Variants in SERPING1 observed in about 807,000 individuals in gnomAD.
SERPING1 encodes serpin family G member 1, also known as plasma protease C1 inhibitor.
In SERPING1, 5 loss-of-function variants were observed where a neutral mutation model predicts 34.1. The ratio of observed to expected loss-of-function variants is 0.15; its 90% confidence interval spans 0.08 to 0.31. The LOEUF (loss-of-function observed/expected upper bound fraction) is 0.31, where lower values mean the gene tolerates loss of function less well. Ranked by LOEUF, SERPING1 falls within the 10% of genes least tolerant of loss-of-function variation. SERPING1 has a pLI of 1.00. For synonymous variants in SERPING1, 225 were observed against 242.4 expected (o/e 0.93, Z 0.67); for missense variants, 505 against 609.5 (o/e 0.83, Z 1.81).
intron 2 of SERPING1, among the ~76,000 whole-genome samples, chr11:57,598,932 C>CGTGT (rs3054018): frequency 1.8e-4 from 27 of 150,830 alleles, no homozygotes; most frequent in East Asian, 5.9e-4. Flanking sequence ...TGTGTATGTG[C>CGTGT]GTGTGTGTGT....
At chr11:57,613,975 T>C (rs1274441167) in intron 7 of SERPING1, among the ~76,000 whole-genome samples, 2 of 152,170 alleles carry the variant, frequency 1.3e-5, no homozygotes, top group Non-Finnish European at 2.9e-5. Flanking sequence ...TTCCCATTAT[T>C]TCACAGCATC....
chr11:57,611,813 C>A lies in SERPING1; in HGVS notation c.1126C>A (p.Pro376Thr). ...TGAAGACATGGAACAGGCTCTCAGC[C>A]CTTCTGTTTTCAAGGCCATCATGGA... ...RLEDMEQALS[P>T]SVFKAIMEKL... The change falls in exon 7 of 8, where the codon CCT (proline) becomes ACT (threonine). Residue 376 changes from proline (P) to threonine (T), a missense_variant. By Grantham distance (38) the Pro-to-Thr change is conservative (BLOSUM62 -1). Transcript: ENST00000278407. The A allele has an allele frequency of 6.2e-7, 1 of 1,614,152 alleles. No individual in the cohort carries two copies. The highest frequency in any genetic ancestry group is 1.1e-5 in the South Asian group (1 of 91,072).
In SERPING1 at chr11:57,606,264, C is replaced by T. The variant is rs190428339; in HGVS notation, c.889+51C>T. The stretch of plus-strand genomic sequence containing the variant: ...CTTCCCATTCTGGGTCCTTCTTCCC[C>T]TCCTGGCTTCAAAGCCCACTTAACC... On this transcript the variant is annotated intron_variant, in intron 5 of 7. Transcript: ENST00000278407. 10 of 1,608,844 alleles carry T rather than the reference C, an allele frequency of 6.2e-6. No homozygotes were observed. The East Asian group carries it at 2.2e-4, about 36-fold the overall frequency.
chr11:57,598,366 G>A (rs1200584754), intron 2 of SERPING1, 45 bp downstream of exon 2: 1 of 1,533,938 alleles, frequency 6.5e-7, no homozygotes. Flanking sequence ...GGAGACGGGA[G>A]GCGGGATGGT....
In SERPING1 at chr11:57,611,923, C is replaced by T. The variant is rs577904315; in HGVS notation, c.1236C>T (p.Ile412=). The T allele has an allele frequency of 5.0e-6, 8 of 1,613,990 alleles. No individual in the cohort carries two copies. In the South Asian group the frequency reaches 7.7e-5, roughly 16 times the overall value. ...KVTTSQDMLS[I]MEKLEFFDFS... ...CGACCAGCCAGGATATGCTCTCAAT[C>T]ATGGAGAAATTGGGTGAGCTCTGGC... Residue 412 remains isoleucine (I), a synonymous_variant, in exon 7 of 8, where the codon ATC becomes ATT. Coordinates refer to ENST00000278407, the MANE Select transcript of SERPING1 (RefSeq NM_000062.3).
At chr11:57,609,803 T>A (rs905621441) in intron 6 of SERPING1, among the ~76,000 whole-genome samples, 1 of 152,316 alleles carries the variant, frequency 6.6e-6, no homozygotes, top group Non-Finnish European at 1.5e-5. Context: ...TCTTACTCTA[T>A]CACCCAGTCT....
chr11:57,603,712 G>A (rs910352379), intron 4 of SERPING1, among the ~76,000 whole-genome samples: 2 of 149,098 alleles, frequency 1.3e-5, no homozygotes, highest in Non-Finnish European at 1.5e-5. Context: ...GGTGGCAGGC[G>A]CCTGTGGTCC....
rs1368278179 is a variant in SERPING1 at position 57,614,428 on chromosome 11, A to G, written c.1350A>G (p.Thr450=). ...AGCACCAGACAGTGCTGGAACTGACAGAGACTGGGGTGGAGGCGGCTGCAG... is the reference window on the plus strand; with the variant it reads ...AGCACCAGACAGTGCTGGAACTGACGGAGACTGGGGTGGAGGCGGCTGCAG... ...AMQHQTVLEL[T]ETGVEAAAAS... is the part of the protein sequence containing the mutation. The change falls in exon 8 of 8, where the codon ACA becomes ACG. Residue 450 remains threonine (T), a synonymous_variant. Transcript: ENST00000278407. The G allele has an allele frequency of 1.9e-6, 3 of 1,614,142 alleles. No individual in the cohort carries two copies. Among genetic ancestry groups the G allele is most frequent in the South Asian group, 1.1e-5 (1 of 91,076 alleles).
At chr11:57,614,206 C>A (rs947570620) in intron 7 of SERPING1, 122 bp from the exon 8 acceptor site, 2 of 1,302,008 alleles carry the variant, frequency 1.5e-6, no homozygotes, top group Admixed American at 1.7e-5. Context: ...ATCTGGCAAA[C>A]AAGGGAAGAG....
intron 5 of SERPING1, 21 bp from the exon 6 acceptor site, chr11:57,606,387 C>G (rs750545765): frequency 3.7e-6 from 6 of 1,614,032 alleles, no homozygotes; most frequent in Non-Finnish European, 5.1e-6. Flanking sequence ...TTAGAGCAAC[C>G]CTCCCACCTC....
intron 6 of SERPING1, among the ~76,000 whole-genome samples, chr11:57,608,544 A>G (rs2135320618): frequency 6.6e-6 from 1 of 152,308 alleles, no homozygotes; most frequent in Non-Finnish European, 1.5e-5. Flanking sequence ...ATAAAGTCTC[A>G]TTCTGTTGCC....
intron 4 of SERPING1, chr11:57,605,688 C>T: frequency 2.6e-6 from 1 of 379,342 alleles, no homozygotes; most frequent in Non-Finnish European, 5.0e-6. Flanking sequence ...TATTCCGTGC[C>T]AAAATTAAGG....
chr11:57,606,904 A>T, intron 6 of SERPING1: 1 of 527,430 alleles, frequency 1.9e-6, no homozygotes, highest in East Asian at 4.6e-5. Context: ...ACCTGTGTAC[A>T]GCATACATAT....
At chr11:57,611,425 C>T (rs945389966) in intron 6 of SERPING1, 3 of 491,738 alleles carry the variant, frequency 6.1e-6, no homozygotes, top group African/African-American at 5.8e-5. Context: ...GGGAACAGCG[C>T]TCAGAGAAAT....
intron 6 of SERPING1, among the ~76,000 whole-genome samples, chr11:57,609,255 G>T (rs1027839846): frequency 1.3e-5 from 2 of 151,676 alleles, no homozygotes; most frequent in Admixed American, 6.6e-5. Flanking sequence ...TCCAACCTGG[G>T]CAACACAGCA....
At chr11:57,601,178 A>T (rs1186173513) in intron 3 of SERPING1, among the ~76,000 whole-genome samples, 1 of 151,840 alleles carries the variant, frequency 6.6e-6, no homozygotes, top group Non-Finnish European at 1.5e-5. Flanking sequence ...AGGCGGGCAG[A>T]TCACGAGGTC....
In SERPING1 at chr11:57,611,825, A is replaced by G; in HGVS notation, c.1138A>G (p.Lys380Glu). The change falls in exon 7 of 8, where the codon AAG becomes GAG. Residue 380 changes from lysine to glutamate, a missense_variant. Physicochemically the swap from Lys to Glu is moderately conservative, Grantham distance 56. Transcript: ENST00000278407. ...ACAGGCTCTCAGCCCTTCTGTTTTCAAGGCCATCATGGAGAAACTGGAGAT... is the reference window on the plus strand; with the variant it reads ...ACAGGCTCTCAGCCCTTCTGTTTTCGAGGCCATCATGGAGAAACTGGAGAT... ...MEQALSPSVF[K>E]AIMEKLEMSK... 1.9e-6 allele frequency: 3 copies of G among 1,614,170 alleles called. No homozygotes were observed. The highest frequency in any genetic ancestry group is 1.7e-6 in the Non-Finnish European group (2 of 1,180,022).
intron 6 of SERPING1, among the ~76,000 whole-genome samples, chr11:57,609,138 G>A (rs575797361): frequency 1.3e-4 from 20 of 151,850 alleles, no homozygotes; most frequent in African/African-American, 3.1e-4. Flanking sequence ...AATTAGCCAG[G>A]CATGGTGGCA....
Position 57,614,591 on chromosome 11 carries a change from G to A in SERPING1, c.*10G>A, listed in dbSNP as rs1240934870. The A allele has an allele frequency of 6.2e-7, 1 of 1,612,816 alleles. No homozygotes were observed. On this transcript the variant is annotated 3_prime_UTR_variant, in exon 8 of 8. Coordinates refer to ENST00000278407, the MANE Select transcript of SERPING1 (RefSeq NM_000062.3). ...TGACCCCAGGGCCTGAGACCTGCAG[G>A]ATCAGGTTAGGGCGAGCGCTACCTC...
Sources: allele counts gnomAD v4.1 joint callset (sites outside exome capture counted in the v4.1 genomes callset), GRCh38; gene constraint gnomAD v4.1.1; transcripts MANE v1.5; gene names NCBI Gene and HGNC (gene_info 2026-07-23, HGNC 2026-07-21).